ETV7: variants seen among roughly 807,000 people sequenced by gnomAD.
ETV7 encodes the protein transcription factor ETV7.
Under a neutral mutation model 39.1 loss-of-function variants are expected in ETV7, and 43 were observed. The ratio of observed to expected loss-of-function variants is 1.10; its 90% CI spans 0.86 to 1.42. ETV7 has a LOEUF of 1.42. Ranked by LOEUF, ETV7 falls within the 40% of genes most tolerant of loss-of-function variation. The pLI is 0.00. For missense variants in ETV7, 432 were observed against 442.3 expected, an observed-to-expected ratio of 0.98 and a Z score of 0.21; for synonymous variants, 196 against 176.6, an observed-to-expected ratio of 1.11 and a Z score of -0.87.
At chr6:36,387,441 T>G in intron 1 of ETV7, 95 bp downstream of exon 1, 1 of 1,530,042 alleles carries the variant, frequency 6.5e-7, no homozygotes, top group South Asian at 1.1e-5. Context: ...GTAAAAGGTC[T>G]GATAAAATAG....
At chr6:36,359,243 G>C (rs888033899) in intron 7 of ETV7, among the ~76,000 whole-genome samples, 1 of 152,158 alleles carries the variant, frequency 6.6e-6, no homozygotes, top group African/African-American at 2.4e-5. Context: ...CTGAGGTCGA[G>C]AGTTCAAGAC....
chr6:36,366,811 G>A, intron 7 of ETV7, 49 bp from the exon 8 acceptor site: 6 of 1,613,174 alleles, frequency 3.7e-6, no homozygotes, highest in Non-Finnish European at 5.1e-6. Flanking sequence ...CAGCTGCAGG[G>A]GGATTCCAGC....
downstream of ETV7, among the ~76,000 whole-genome samples, chr6:36,362,924 C>T (rs913187445): frequency 1.3e-5 from 2 of 152,234 alleles, no homozygotes; most frequent in Non-Finnish European, 2.9e-5. Context: ...AGGAATCCAT[C>T]CTCCTGCTTC....
intron 2 of ETV7, among the ~76,000 whole-genome samples, chr6:36,376,861 C>T (rs1773394334): frequency 6.6e-6 from 1 of 152,040 alleles, no homozygotes; most frequent in African/African-American, 2.4e-5. Flanking sequence ...GACTAGCCCA[C>T]ACGCATACAG....
rs146675999 is a variant in ETV7 at position 36,366,880 on chromosome 6, C to G, written c.903G>C (p.Leu301=). The change falls in exon 7 of 8, where the codon CTG becomes CTC. Residue 301 remains leucine, a synonymous_variant. Transcript: ENST00000340181. ...IIKKEPGQKL[L]FRFLKTPGKM... ...ACATCCCCTAGGCCACTCACCTGAA[C>G]AGGAGTTTCTGCCCCGGTTCCTTCT... 8 of 1,613,948 alleles carry G rather than the reference C, an allele frequency of 5.0e-6. No homozygotes were observed. Among genetic ancestry groups the G allele is most frequent in the Non-Finnish European group, 6.8e-6 (8 of 1,179,986 alleles).
rs561058078 is a variant in ETV7 at position 36,381,030 on chromosome 6, T to A, written c.142+4504A>T. Among the ~76,000 whole-genome samples the A allele has an allele frequency of 1.4e-4, 21 of 152,126 alleles. No individual in the cohort carries two copies. In the East Asian group the frequency reaches 3.5e-3, roughly 25 times the overall value. ...GTGCCCCTCCCCACCTGACCAAAGC[T>A]ATTTCCCACCACTTCCCACCACACC... On this transcript the variant is annotated intron_variant, in intron 2 of 7. Transcript: ENST00000340181.
chr6:36,371,266 C>T lies in ETV7; in HGVS notation c.664+64G>A, dbSNP rs548924607. 15 of 1,461,356 alleles carry T rather than the reference C, an allele frequency of 1.0e-5. No individual in the cohort carries two copies. The African/African-American group carries it at 2.1e-4, about 20-fold the overall frequency. The allele number at this position is 1,461,356 out of a possible 1,614,324, so 90.5% of individuals were successfully genotyped here. A position where few individuals can be genotyped will look rare whatever the true frequency, so the allele number is the denominator to read the frequency against. On this transcript the variant is annotated intron_variant, in intron 5 of 7. Coordinates refer to ENST00000340181, the MANE Select transcript of ETV7 (RefSeq NM_016135.4). ...GGTCAAAATAGCCCTGTCCTCATCA[C>T]TCGTGACTCTGAGACTCAGACTCAG...
At position 36,371,562 on chromosome 6, in the gene ETV7, T is replaced by C; in HGVS notation, c.434-2A>G. The C allele has an allele frequency of 6.3e-7, 1 of 1,574,980 alleles. No homozygotes were observed. On this transcript the variant is annotated splice_acceptor_variant, in intron 4 of 7. Transcript: ENST00000340181. LOFTEE classifies it high-confidence loss of function. ...CCATCTGAGAGGGGCCAGTCACCTCTGCAAGCAGATGAGCACCAGTGGTAG... is the reference window on the plus strand; with the variant it reads ...CCATCTGAGAGGGGCCAGTCACCTCCGCAAGCAGATGAGCACCAGTGGTAG...
At chr6:36,363,293 T>C (rs949798174), downstream of ETV7, among the ~76,000 whole-genome samples, 1 of 123,852 alleles carries the variant, frequency 8.1e-6, no homozygotes, top group Non-Finnish European at 1.6e-5. Context: ...GGGTTCGTGG[T>C]CTCGCTGGCT....
At chr6:36,378,015 A>G (rs958709207) in intron 2 of ETV7, among the ~76,000 whole-genome samples, 7 of 152,232 alleles carry the variant, frequency 4.6e-5, no homozygotes, top group Non-Finnish European at 8.8e-5. Context: ...TACATGTGAG[A>G]ACTGGCCTCT....
chr6:36,366,110 G>A, downstream of ETV7: 1 of 840,372 alleles, frequency 1.2e-6, no homozygotes. Flanking sequence ...GGAGGCGGAA[G>A]TTGCAGTGAG....
In ETV7 at chr6:36,387,550, G is replaced by A; in HGVS notation, c.-9C>T. On this transcript the variant is annotated 5_prime_UTR_variant, in exon 1 of 8. Coordinates refer to ENST00000340181, the MANE Select transcript of ETV7 (RefSeq NM_016135.4). ...CAGGCTCTTACCTGCATTACAGGTG[G>A]AGGTGAGGAAGCCACCGGCTTTCTG... The A allele has an allele frequency of 6.2e-7, 1 of 1,614,084 alleles. No homozygotes were observed. The highest frequency in any genetic ancestry group is 1.1e-5 in the South Asian group (1 of 91,086).
At chr6:36,379,558 AAAAAG>A (rs1309001692) in intron 2 of ETV7, among the ~76,000 whole-genome samples, 5 of 124,656 alleles carry the variant, frequency 4.0e-5, no homozygotes, top group African/African-American at 3.4e-5. Flanking sequence ...TTAAAAAAAA[AAAAAG>A]AAGAAGAAGA....
Position 36,371,354 on chromosome 6 carries a change from C to T in ETV7, c.640G>A (p.Ala214Thr), listed in dbSNP as rs748427459. 3 of 1,593,960 alleles carry T rather than the reference C, an allele frequency of 1.9e-6. No individual in the cohort carries two copies. The South Asian group carries it at 3.4e-5, about 18-fold the overall frequency. Residue 214 changes from alanine to threonine, a missense_variant, in exon 5 of 8, where the codon GCC becomes ACC. By Grantham distance (58) the Ala-to-Thr change is moderately conservative (BLOSUM62 0). Coordinates refer to ENST00000340181, the MANE Select transcript of ETV7 (RefSeq NM_016135.4). ...GVCSFPAMPQ[A>T]PIDGRIADCR... ...CCAGCGATCCTGCCGTCAATGGGGG[C>T]CTGCGGCATCGCGGGGAAGGAACAG...
chr6:36,376,594 G>A (rs367669724), intron 2 of ETV7, among the ~76,000 whole-genome samples: 2 of 152,038 alleles, frequency 1.3e-5, no homozygotes, highest in Non-Finnish European at 2.9e-5. Flanking sequence ...TGGCCAACAC[G>A]GTGAAACCCC....
At position 36,376,026 on chromosome 6, in the gene ETV7, G is replaced by T. The variant is rs373164492; in HGVS notation, c.152C>A (p.Pro51His). ...CKLPGRLRIQ[P>H]ALWSREDVLH... ...CACGTCCTCCCTGCTCCACAGTGCG[G>T]GCTGGATGCCTGCAACCAGCAAGGA... Residue 51 changes from proline (P) to histidine (H), a missense_variant, in exon 3 of 8, where the codon CCC becomes CAC. By Grantham distance (77) the Pro-to-His change is moderately conservative. Transcript: ENST00000340181. 1.9e-6 allele frequency: 3 copies of T among 1,600,250 alleles called. No homozygotes were observed. Among genetic ancestry groups the T allele is most frequent in the Non-Finnish European group, 2.6e-6 (3 of 1,175,902 alleles).
At chr6:36,377,062 T>G (rs1773411819) in intron 2 of ETV7, among the ~76,000 whole-genome samples, 1 of 152,232 alleles carries the variant, frequency 6.6e-6, no homozygotes, top group Admixed American at 6.5e-5. Flanking sequence ...CGTTTCCACT[T>G]TGCCTGGGAC....
At chr6:36,364,219 G>A (rs915359723), downstream of ETV7, among the ~76,000 whole-genome samples, 8 of 152,356 alleles carry the variant, frequency 5.3e-5, no homozygotes, top group South Asian at 2.1e-4. Flanking sequence ...CCAGTCCGGC[G>A]CCGTGAGCCC....
At chr6:36,360,631 G>A (rs919717550) in intron 7 of ETV7, among the ~76,000 whole-genome samples, 1 of 152,126 alleles carries the variant, frequency 6.6e-6, no homozygotes, top group Non-Finnish European at 1.5e-5. Context: ...CATTCAGTCA[G>A]CCACCGCCCG....
Sources: allele counts gnomAD v4.1 joint callset (sites outside exome capture counted in the v4.1 genomes callset), GRCh38; gene constraint gnomAD v4.1.1; transcripts MANE v1.5; gene names NCBI Gene and HGNC (gene_info 2026-07-23, HGNC 2026-07-21).